The following FAT3 variants were observed in gnomAD, a reference collection of about 807,000 sequenced individuals.
The protein encoded by FAT3 is FAT atypical cadherin 3.
A neutral mutation model predicts 310.2 loss-of-function variants in FAT3; 95 were observed. The ratio of observed to expected loss-of-function variants is 0.31; its 90% CI spans 0.26 to 0.36. FAT3 has a LOEUF of 0.36. Ranked by LOEUF, FAT3 falls within the 10% of genes least tolerant of loss-of-function variation. The pLI is 1.00. For synonymous variants in FAT3, 2,314 were observed against 2,192.9 expected, an observed-to-expected ratio of 1.06 and a Z score of -1.54; for missense variants, 5,408 against 5,715.6, an observed-to-expected ratio of 0.95 and a Z score of 1.74.
intron 3 of FAT3, chr11:92,559,588 A>AG (rs1000898787): frequency 4.8e-6 from 1 of 208,864 alleles, no homozygotes; most frequent in African/African-American, 2.4e-5. Flanking sequence ...ATGTTGCCCA[A>AG]GCTGGTCTTG....
chr11:92,581,780 G>A (rs1054331535), intron 3 of FAT3, among the ~76,000 whole-genome samples: 1 of 151,986 alleles, frequency 6.6e-6, no homozygotes, highest in African/African-American at 2.4e-5. Context: ...CAGGCATGAT[G>A]TAAAATGCTG....
intron 2 of FAT3, among the ~76,000 whole-genome samples, chr11:92,493,524 C>A (rs1431976928): frequency 1.3e-5 from 2 of 152,090 alleles, no homozygotes; most frequent in Non-Finnish European, 2.9e-5. Flanking sequence ...TTCACTCATG[C>A]TGACTGGATG....
chr11:92,310,197 A>G (rs1433958704), intron 1 of FAT3, among the ~76,000 whole-genome samples: 1 of 152,172 alleles, frequency 6.6e-6, no homozygotes, highest in East Asian at 1.9e-4. Context: ...TCTTATCCCA[A>G]GATAAGAATA....
chr11:92,648,257 G>A (rs1256417254), intron 3 of FAT3, among the ~76,000 whole-genome samples: 1 of 152,184 alleles, frequency 6.6e-6, no homozygotes, highest in Non-Finnish European at 1.5e-5. Context: ...TGCAAAGAAT[G>A]TATATGAAGA....
intron 2 of FAT3, among the ~76,000 whole-genome samples, chr11:92,487,313 T>G (rs896119996): frequency 6.6e-6 from 1 of 152,172 alleles, no homozygotes; most frequent in African/African-American, 2.4e-5. Context: ...AATAAAACAT[T>G]TGCAGGCTGG....
At chr11:92,503,754 C>T (rs1335230220) in intron 2 of FAT3, among the ~76,000 whole-genome samples, 1 of 151,982 alleles carries the variant, frequency 6.6e-6, no homozygotes, top group Non-Finnish European at 1.5e-5. Flanking sequence ...TACATTGATT[C>T]CCTATCTTAA....
intron 2 of FAT3, among the ~76,000 whole-genome samples, chr11:92,499,295 C>G (rs1952858675): frequency 6.6e-6 from 1 of 152,052 alleles, no homozygotes; most frequent in South Asian, 2.1e-4. Flanking sequence ...GGGAAAGTCT[C>G]TATATGGTGT....
chr11:92,736,220 A>G (rs983829078), intron 4 of FAT3, among the ~76,000 whole-genome samples: 4 of 151,968 alleles, frequency 2.6e-5, no homozygotes, highest in Admixed American at 2.6e-4. Flanking sequence ...TTATATCTGG[A>G]GCTGCCATTT....
At chr11:92,574,351 C>T (rs1010071427) in intron 3 of FAT3, among the ~76,000 whole-genome samples, 2 of 152,114 alleles carry the variant, frequency 1.3e-5, no homozygotes, top group African/African-American at 4.8e-5. Context: ...GTATCTTCTC[C>T]CATGAATCCA....
chr11:92,571,094 C>A (rs941619595), intron 3 of FAT3, among the ~76,000 whole-genome samples: 2 of 152,122 alleles, frequency 1.3e-5, no homozygotes, highest in African/African-American at 4.8e-5. Context: ...CAAACCTTTT[C>A]TTAGTCTTTT....
intron 2 of FAT3, among the ~76,000 whole-genome samples, chr11:92,482,619 T>A (rs571110923): frequency 1.3e-5 from 2 of 152,280 alleles, no homozygotes; most frequent in South Asian, 4.1e-4. Flanking sequence ...TCCATCCACA[T>A]GCTTTCTCTT....
intron 2 of FAT3, among the ~76,000 whole-genome samples, chr11:92,464,534 T>G (rs1323078956): frequency 2.0e-5 from 3 of 152,192 alleles, no homozygotes; most frequent in African/African-American, 7.2e-5. Flanking sequence ...AGGGAACAAC[T>G]GTCGTGGCAT....
chr11:92,592,579 CA>C (rs1939493210), intron 3 of FAT3, among the ~76,000 whole-genome samples: 1 of 152,030 alleles, frequency 6.6e-6, no homozygotes, highest in South Asian at 2.1e-4. Context: ...CTCGCCCTCC[CA>C]AAGTGCTGGG....
intron 1 of FAT3, among the ~76,000 whole-genome samples, chr11:92,294,201 G>A (rs1191055483): frequency 6.6e-6 from 1 of 151,982 alleles, no homozygotes; most frequent in Non-Finnish European, 1.5e-5. Context: ...GTGCATGCAT[G>A]CAGAAAGAAA....
intron 1 of FAT3, among the ~76,000 whole-genome samples, chr11:92,292,234 T>C (rs984019882): frequency 1.3e-5 from 2 of 152,104 alleles, no homozygotes; most frequent in Non-Finnish European, 2.9e-5. Flanking sequence ...TTTTAAAATA[T>C]GCTAAGTGTA....
At chr11:92,774,931 C>T (rs999984094) in intron 7 of FAT3, among the ~76,000 whole-genome samples, 4 of 152,162 alleles carry the variant, frequency 2.6e-5, no homozygotes, top group African/African-American at 9.7e-5. Flanking sequence ...CTGAGACTAG[C>T]ACAATGTTAG....
intron 2 of FAT3, among the ~76,000 whole-genome samples, chr11:92,494,848 A>C (rs1252027272): frequency 1.3e-5 from 2 of 152,188 alleles, no homozygotes; most frequent in East Asian, 1.9e-4. Flanking sequence ...ATTGACCATC[A>C]GGAACGGTTC....
chr11:92,671,897 G>A (rs903678496), intron 3 of FAT3, among the ~76,000 whole-genome samples: 1 of 152,132 alleles, frequency 6.6e-6, no homozygotes, highest in Non-Finnish European at 1.5e-5. Context: ...TCTGAAGTCA[G>A]GAGTTCGAGA....
chr11:92,306,501 AT>A (rs1947120750), intron 1 of FAT3, among the ~76,000 whole-genome samples: 1 of 128,626 alleles, frequency 7.8e-6, no homozygotes, highest in Non-Finnish European at 1.6e-5. Context: ...TATATTATAT[AT>A]GTTATATATA....
Sources: gnomAD v4.1 joint callset for allele counts (sites outside exome capture counted in the v4.1 genomes callset) on GRCh38, gnomAD v4.1.1 for gene constraint, MANE v1.5 for transcripts, NCBI Gene and HGNC (gene_info 2026-07-23, HGNC 2026-07-21) for gene names.